COL22A1: variants seen among roughly 807,000 people sequenced by gnomAD.
COL22A1 encodes collagen alpha-1(XXII) chain.
In COL22A1, 221 loss-of-function variants were observed where a neutral mutation model predicts 248.9. The ratio of observed to expected loss-of-function variants is 0.89; its 90% confidence interval spans 0.80 to 0.99. The LOEUF (loss-of-function observed/expected upper bound fraction) is 0.99. Among genes scored for constraint, COL22A1 ranks in the 50% least tolerant of loss-of-function variants. COL22A1 has a pLI of 0.00. For synonymous variants in COL22A1, 891 were observed against 793.4 expected, an observed-to-expected ratio of 1.12 and a Z score of -2.07; for missense variants, 2,240 against 2,179.0, an observed-to-expected ratio of 1.03 and a Z score of -0.56.
chr8:138,779,430 T>C, intron 14 of COL22A1, 79 bp downstream of exon 14: 1 of 968,500 alleles, frequency 1.0e-6, no homozygotes, highest in Non-Finnish European at 1.7e-6. Flanking sequence ...GCATCTCTTC[T>C]GCACCTAAAG....
At chr8:138,810,000 C>T (rs1818070129) in intron 9 of COL22A1, among the ~76,000 whole-genome samples, 1 of 152,112 alleles carries the variant, frequency 6.6e-6, no homozygotes, top group South Asian at 2.1e-4. Context: ...GATAAGGAGA[C>T]ATTTTCAATC....
chr8:138,647,536 A>C (rs1178085863), intron 46 of COL22A1, among the ~76,000 whole-genome samples: 1 of 152,188 alleles, frequency 6.6e-6, no homozygotes, highest in Non-Finnish European at 1.5e-5. Context: ...GTGCTTTACA[A>C]ATATACGTGC....
chr8:138,807,373 G>C (rs1159722254), intron 10 of COL22A1, among the ~76,000 whole-genome samples: 1 of 152,178 alleles, frequency 6.6e-6, no homozygotes, highest in East Asian at 1.9e-4. Flanking sequence ...AGTGAATTTG[G>C]AAATCATGTG....
chr8:138,731,915 T>C (rs1830740220), intron 23 of COL22A1, among the ~76,000 whole-genome samples: 1 of 152,152 alleles, frequency 6.6e-6, no homozygotes, highest in Non-Finnish European at 1.5e-5. Flanking sequence ...TTCTGATAAA[T>C]CAGTACCCTC....
rs770784087 is a variant in COL22A1, at chr8:138,755,195, T to C, written c.1993A>G (p.Arg665Gly). 3 of 1,614,002 alleles carry C rather than the reference T, an allele frequency of 1.9e-6. No homozygotes were observed. Among genetic ancestry groups the C allele is most frequent in the Non-Finnish European group, 2.5e-6 (3 of 1,180,012 alleles). ...LKGEQGAPGP[R>G]GHQGAPGPPG... ...GGACCGGGGGCGCCTTGGTGACCTC[T>C]GGGTCCTGGAGCTCCCTGGTAACAC... Residue 665 changes from arginine (R) to glycine (G), a missense_variant, in exon 21 of 65, where the codon AGA (arginine) becomes GGA (glycine). Arg to Gly is a moderately radical substitution (Grantham distance 125). Coordinates refer to ENST00000303045, the MANE Select transcript of COL22A1 (RefSeq NM_152888.3).
chr8:138,601,991 A>T, intron 60 of COL22A1, 124 bp downstream of exon 60: 1 of 947,362 alleles, frequency 1.1e-6, no homozygotes, highest in Non-Finnish European at 1.7e-6. Flanking sequence ...CAAAATCACT[A>T]CAGGCGGCAT....
At chr8:138,732,202 T>C (rs10102641) in intron 23 of COL22A1, among the ~76,000 whole-genome samples, 11,125 of 152,214 alleles carry the variant, frequency 0.073, 658 homozygotes, top group African/African-American at 0.17. Context: ...TTATTGTCCT[T>C]TTATAGATGA....
At chr8:138,786,906 C>T (rs1815579183) in intron 12 of COL22A1, among the ~76,000 whole-genome samples, 1 of 152,054 alleles carries the variant, frequency 6.6e-6, no homozygotes, top group South Asian at 2.1e-4. Flanking sequence ...AGCTAGACAC[C>T]ATCCCAAAAA....
chr8:138,713,855 T>C (rs1264499282), intron 30 of COL22A1, among the ~76,000 whole-genome samples: 1 of 152,154 alleles, frequency 6.6e-6, no homozygotes, highest in Non-Finnish European at 1.5e-5. Flanking sequence ...AAGTACCTAC[T>C]TGCACCTCTA....
chr8:138,626,283 C>A (rs1403278509), intron 50 of COL22A1, 40 bp from the exon 51 acceptor site: 6 of 1,510,460 alleles, frequency 4.0e-6, no homozygotes, highest in Non-Finnish European at 5.5e-6. Flanking sequence ...GAAACCTCTG[C>A]TGGCTTTTCT....
In COL22A1 at chr8:138,645,362, G is replaced by A. The variant is rs148265852; in HGVS notation, c.3501+1267C>T. ...TGCTGGTCTTTGCTATCTCATCCCT[G>A]CGAGCAGCCCGCCCTGAATCCTCTC... On this transcript the variant is annotated intron_variant, in intron 47 of 64. Transcript: ENST00000303045. Among the ~76,000 whole-genome samples the A allele has an allele frequency of 3.1e-3, 468 of 152,270 alleles. 2 individuals are homozygous for A. Among genetic ancestry groups the A allele is most frequent in the African/African-American group, 0.011 (448 of 41,562 alleles).
At chr8:138,753,485 G>T (rs895195908) in intron 21 of COL22A1, among the ~76,000 whole-genome samples, 1 of 152,130 alleles carries the variant, frequency 6.6e-6, no homozygotes, top group Non-Finnish European at 1.5e-5. Context: ...ACCCCGTGGG[G>T]CATCAGGCTA....
chr8:138,851,520 G>A (rs905382681), intron 3 of COL22A1, among the ~76,000 whole-genome samples: 3 of 152,174 alleles, frequency 2.0e-5, no homozygotes, highest in African/African-American at 7.2e-5. Flanking sequence ...GACTTTGGGT[G>A]CCAGCCATCA....
intron 55 of COL22A1, among the ~76,000 whole-genome samples, chr8:138,615,647 G>T (rs1489765866): frequency 6.6e-6 from 1 of 152,006 alleles, no homozygotes; most frequent in African/African-American, 2.4e-5. Context: ...TGGCGGTGAG[G>T]GGTGTGTGGT....
At chr8:138,734,666 C>T (rs1024306446) in intron 23 of COL22A1, among the ~76,000 whole-genome samples, 10 of 152,190 alleles carry the variant, frequency 6.6e-5, no homozygotes, top group East Asian at 3.9e-4. Context: ...CCAGCAATCC[C>T]ATTACTGGGT....
chr8:138,753,785 A>G (rs771849107), intron 21 of COL22A1, among the ~76,000 whole-genome samples: 6 of 152,176 alleles, frequency 3.9e-5, no homozygotes, highest in Non-Finnish European at 7.3e-5. Flanking sequence ...CTGTAACAAA[A>G]TCTAGGTAAA....
intron 16 of COL22A1, 38 bp from the exon 17 acceptor site, chr8:138,762,504 G>A (rs1312516784): frequency 5.6e-6 from 9 of 1,600,174 alleles, no homozygotes; most frequent in Non-Finnish European, 7.7e-6. Context: ...AAAGAGGTTA[G>A]TGACCACAGG....
chr8:138,832,459 C>T (rs1341541972), intron 5 of COL22A1, among the ~76,000 whole-genome samples: 1 of 152,138 alleles, frequency 6.6e-6, no homozygotes, highest in Non-Finnish European at 1.5e-5. Flanking sequence ...TCATCTTTAG[C>T]CCCTGACTGG....
intron 3 of COL22A1, among the ~76,000 whole-genome samples, chr8:138,876,124 G>A (rs1823698568): frequency 6.6e-6 from 1 of 151,992 alleles, no homozygotes; most frequent in African/African-American, 2.4e-5. Flanking sequence ...CCCTTTATGG[G>A]GACCCTGACA....
Sources: gnomAD v4.1 joint callset for allele counts (sites outside exome capture counted in the v4.1 genomes callset) on GRCh38, gnomAD v4.1.1 for gene constraint, MANE v1.5 for transcripts, NCBI Gene and HGNC (gene_info 2026-07-23, HGNC 2026-07-21) for gene names.